KITLG: variants seen among roughly 807,000 people sequenced by gnomAD.
The protein encoded by KITLG is KIT ligand, also known as c-Kit ligand.
Under a neutral mutation model 34.1 loss-of-function variants are expected in KITLG, and 13 were observed. The observed-to-expected ratio is 0.38, with a 90% confidence interval of 0.25 to 0.61. The LOEUF is 0.61. Among genes scored for constraint, KITLG ranks in the 20% least tolerant of loss-of-function variants. KITLG has a pLI of 0.60. For missense variants in KITLG, 292 were observed against 318.9 expected, an observed-to-expected ratio of 0.92 and a Z score of 0.64; for synonymous variants, 110 against 104.0, an observed-to-expected ratio of 1.06 and a Z score of -0.35.
chr12:88,562,918 G>A (rs1055896825), intron 1 of KITLG, among the ~76,000 whole-genome samples: 1 of 152,164 alleles, frequency 6.6e-6, no homozygotes, highest in African/African-American at 2.4e-5. Flanking sequence ...ATAAAGTGGA[G>A]TTTCTTTCCT....
chr12:88,506,414 T>C (rs756243253), intron 7 of KITLG, 36 bp from the exon 8 acceptor site: 28 of 1,394,754 alleles, frequency 2.0e-5, no homozygotes, highest in Non-Finnish European at 2.9e-5. Flanking sequence ...TGTAAAATAA[T>C]CAATGAATGG....
chr12:88,571,115 T>C (rs1277766569), intron 1 of KITLG, among the ~76,000 whole-genome samples: 1 of 152,228 alleles, frequency 6.6e-6, no homozygotes, highest in East Asian at 1.9e-4. Flanking sequence ...AATTTTTTTA[T>C]TTATGAAAGC....
At chr12:88,573,464 G>C (rs1262179461) in intron 1 of KITLG, among the ~76,000 whole-genome samples, 1 of 152,140 alleles carries the variant, frequency 6.6e-6, no homozygotes, top group Non-Finnish European at 1.5e-5. Context: ...AGGCAACCTG[G>C]TTCACTGCCA....
intron 6 of KITLG, among the ~76,000 whole-genome samples, chr12:88,513,491 A>G (rs1869354583): frequency 6.6e-6 from 1 of 151,786 alleles, no homozygotes; most frequent in South Asian, 2.1e-4. Context: ...GATACACTAA[A>G]TAAAATAGTG....
intron 2 of KITLG, among the ~76,000 whole-genome samples, chr12:88,537,357 T>A (rs571630633): frequency 6.6e-6 from 1 of 152,218 alleles, no homozygotes; most frequent in East Asian, 1.9e-4. Flanking sequence ...GCCATCATTG[T>A]CAGTGAATTA....
intron 1 of KITLG, among the ~76,000 whole-genome samples, chr12:88,569,938 G>A (rs1378906574): frequency 6.6e-6 from 1 of 151,990 alleles, no homozygotes; most frequent in Admixed American, 6.6e-5. Flanking sequence ...CAAAACAAAG[G>A]CCACAATATA....
chr12:88,506,399 T>C (rs1566018488), intron 7 of KITLG, 21 bp from the exon 8 acceptor site: 2 of 1,533,274 alleles, frequency 1.3e-6, no homozygotes, highest in East Asian at 2.2e-5. Context: ...AAGAAAGACA[T>C]ATACTGTAAA....
At position 88,545,847 on chromosome 12, in the gene KITLG, T is replaced by G. The variant is rs756741815; in HGVS notation, c.34A>C (p.Ile12Leu). ...KKTQTWILTC[I>L]YLQLLLFNPL... ...TTAAATAGGAGCAGCTGAAGATAAA[T>G]GCAAGTGAGAATCCAAGTCTAAATG... The change falls in exon 2 of 10, where the codon ATT becomes CTT. Residue 12 changes from isoleucine (I) to leucine (L), a missense_variant. Transcript: ENST00000644744. The G allele has an allele frequency of 5.0e-6, 8 of 1,608,944 alleles. No individual in the cohort carries two copies. The African/African-American group carries it at 1.1e-4, about 22-fold the overall frequency.
Position 88,534,232 on chromosome 12 carries a change from G to A in KITLG, c.130-1729C>T, listed in dbSNP as rs11835565. Among the ~76,000 whole-genome samples, 613 of 152,222 alleles carry A rather than the reference G, an allele frequency of 4.0e-3. 1 individual carries two copies. The highest frequency in any genetic ancestry group is 9.7e-3 in the African/African-American group (401 of 41,548). The stretch of plus-strand genomic sequence containing the variant: ...CTAGAACTCAGGTCCCTGGAGAGAA[G>A]AGCCTCCCTTGTCTCTTAGCTCCAC... On this transcript the variant is annotated intron_variant, in intron 2 of 9. Transcript: ENST00000644744.
At chr12:88,523,521 GTT>G (rs1488749551) in intron 3 of KITLG, among the ~76,000 whole-genome samples, 2 of 152,164 alleles carry the variant, frequency 1.3e-5, no homozygotes, top group Non-Finnish European at 2.9e-5. Context: ...AATAGAAATG[GTT>G]CTTTCTGTTT....
chr12:88,506,352 T>G lies in KITLG; in HGVS notation c.741A>C (p.Ala247=), dbSNP rs148557053. Residue 247 remains alanine (A), a synonymous_variant, in exon 8 of 10, where the codon GCA becomes GCC. Transcript: ENST00000644744. ...CTTCATTAATTTGTATATTTTCAAC[T>G]GCCCTTGTAAGACTTGGCTGTCTCT... is the stretch of plus-strand genomic sequence containing the variant. ...WKKRQPSLTR[A]VENIQINEED... 2 of 1,610,316 alleles carry G rather than the reference T, an allele frequency of 1.2e-6. No individual in the cohort carries two copies. Among genetic ancestry groups the G allele is most frequent in the Non-Finnish European group, 1.7e-6 (2 of 1,176,566 alleles).
intron 9 of KITLG, 78 bp downstream of exon 9, chr12:88,505,081 G>T: frequency 1.4e-6 from 1 of 732,618 alleles, no homozygotes. Flanking sequence ...TAACAAACCT[G>T]CACATTGTGC....
At chr12:88,571,297 A>G (rs180755818) in intron 1 of KITLG, among the ~76,000 whole-genome samples, 4 of 152,314 alleles carry the variant, frequency 2.6e-5, no homozygotes, top group African/African-American at 9.6e-5. Context: ...TATCACATCA[A>G]TACTACTACT....
intron 1 of KITLG, among the ~76,000 whole-genome samples, chr12:88,570,233 G>A (rs566285945): frequency 4.6e-5 from 7 of 152,192 alleles, no homozygotes; most frequent in African/African-American, 1.4e-4. Flanking sequence ...AAAGTAAGAC[G>A]ACATCTTTAG....
At chr12:88,503,758 G>C (rs2120795151) in intron 9 of KITLG, among the ~76,000 whole-genome samples, 1 of 152,212 alleles carries the variant, frequency 6.6e-6, no homozygotes, top group South Asian at 2.1e-4. Context: ...CACAGCACCT[G>C]TCTGCCATGC....
intron 2 of KITLG, among the ~76,000 whole-genome samples, chr12:88,543,131 C>T (rs1439024428): frequency 6.6e-6 from 1 of 152,062 alleles, no homozygotes; most frequent in Non-Finnish European, 1.5e-5. Context: ...TATTATTATA[C>T]TTTAAGTTCT....
chr12:88,539,692 T>C (rs11104942), intron 2 of KITLG, among the ~76,000 whole-genome samples: 13,438 of 152,046 alleles, frequency 0.088, 626 homozygotes, highest in Non-Finnish European at 0.1. Flanking sequence ...GAAGCCAAGG[T>C]GAGAGGATTG....
In KITLG at chr12:88,493,125, T is replaced by C. The variant is rs531453203; in HGVS notation, c.*4094A>G. The C allele has an allele frequency of 1.3e-5, 2 of 152,462 alleles. No homozygotes were observed. Among genetic ancestry groups the C allele is most frequent in the South Asian group, 4.1e-4 (2 of 4,832 alleles). 9.4% of individuals were successfully genotyped at this position (152,462 alleles called of 1,614,324 possible). On this transcript the variant is annotated 3_prime_UTR_variant, in exon 10 of 10. Coordinates refer to ENST00000644744, the MANE Select transcript of KITLG (RefSeq NM_000899.5). The stretch of plus-strand genomic sequence containing the variant: ...AAAAAATGGTGGCAAGTGGACACTA[T>C]AATCACATATTAACCCTTAGAATAT...
intron 3 of KITLG, among the ~76,000 whole-genome samples, chr12:88,525,271 T>C (rs1364292716): frequency 1.3e-5 from 2 of 152,198 alleles, no homozygotes; most frequent in Non-Finnish European, 2.9e-5. Flanking sequence ...GTTGCACCCA[T>C]GCCCTTAGGT....
Sources: allele counts gnomAD v4.1 joint callset (sites outside exome capture counted in the v4.1 genomes callset), GRCh38; gene constraint gnomAD v4.1.1; transcripts MANE v1.5; gene names NCBI Gene and HGNC (gene_info 2026-07-23, HGNC 2026-07-21).